ADAMTS6: variants seen among roughly 807,000 people sequenced by gnomAD.
The protein encoded by ADAMTS6 is ADAM metallopeptidase with thrombospondin type 1 motif 6, also known as A disintegrin and metalloproteinase with thrombospondin motifs 6.
Under a neutral mutation model 144.3 loss-of-function variants are expected in ADAMTS6, and 23 were observed. That is an observed-to-expected ratio of 0.16 (90% CI 0.11 to 0.23). The LOEUF (loss-of-function observed/expected upper bound fraction) is 0.23, where lower values mean the gene tolerates loss of function less well. ADAMTS6 is among the 10% of genes least tolerant of loss of function. ADAMTS6 has a pLI of 1.00. For synonymous variants in ADAMTS6, 444 were observed against 457.5 expected, an observed-to-expected ratio of 0.97 and a Z score of 0.38; for missense variants, 999 against 1,379.6, an observed-to-expected ratio of 0.72 and a Z score of 4.37.
chr5:65,275,351 AAGAGAAAGAAAGAAAG>A (rs1762388874), intron 11 of ADAMTS6, among the ~76,000 whole-genome samples: 1 of 125,972 alleles, frequency 7.9e-6, no homozygotes, highest in African/African-American at 3.0e-5. Flanking sequence ...AGAAAGAAAG[AAGAGAAAGAAAGAAAG>A]AAAGAAAGAA....
At chr5:65,291,147 A>G (rs1053960362) in intron 11 of ADAMTS6, among the ~76,000 whole-genome samples, 182 bp downstream of exon 11, 9 of 152,172 alleles carry the variant, frequency 5.9e-5, no homozygotes, top group Non-Finnish European at 1.2e-4. Flanking sequence ...TTAACTTAGG[A>G]TTATTGAAAC....
At chr5:65,419,191 T>C (rs561780577) in intron 7 of ADAMTS6, among the ~76,000 whole-genome samples, 1 of 152,276 alleles carries the variant, frequency 6.6e-6, no homozygotes, top group Non-Finnish European at 1.5e-5. Flanking sequence ...GTGGTAAATA[T>C]ACACTATGGG....
At chr5:65,177,551 A>G (rs1428886918) in intron 22 of ADAMTS6, among the ~76,000 whole-genome samples, 2 of 152,114 alleles carry the variant, frequency 1.3e-5, no homozygotes, top group African/African-American at 4.8e-5. Flanking sequence ...CTTGCCCCCC[A>G]ATGTAGAGCT....
chr5:65,330,915 A>T (rs944456233), intron 8 of ADAMTS6, among the ~76,000 whole-genome samples: 1 of 152,024 alleles, frequency 6.6e-6, no homozygotes, highest in East Asian at 1.9e-4. Context: ...GTTTCAGTTA[A>T]TTTTTGGTTA....
At chr5:65,369,703 A>C (rs1299541895) in intron 7 of ADAMTS6, among the ~76,000 whole-genome samples, 1 of 152,192 alleles carries the variant, frequency 6.6e-6, no homozygotes, top group Non-Finnish European at 1.5e-5. Context: ...TATTTAATAG[A>C]ATTGGCAGTA....
At chr5:65,362,983 G>T (rs1561464497) in intron 7 of ADAMTS6, among the ~76,000 whole-genome samples, 1 of 152,070 alleles carries the variant, frequency 6.6e-6, no homozygotes, top group Non-Finnish European at 1.5e-5. Flanking sequence ...AAGGTAAAAT[G>T]AGAACAATTA....
chr5:65,480,247 G>A (rs933870802), intron 1 of ADAMTS6, among the ~76,000 whole-genome samples: 1 of 152,132 alleles, frequency 6.6e-6, no homozygotes, highest in Non-Finnish European at 1.5e-5. Context: ...ACACTCAAGT[G>A]TCTCTTTTAA....
At chr5:65,469,774 C>G (rs973881832) in intron 3 of ADAMTS6, among the ~76,000 whole-genome samples, 1 of 152,032 alleles carries the variant, frequency 6.6e-6, no homozygotes, top group South Asian at 2.1e-4. Context: ...TATTTAAACC[C>G]AACTCGAATT....
chr5:65,267,685 A>T (rs1473167553), intron 12 of ADAMTS6, among the ~76,000 whole-genome samples: 3 of 152,184 alleles, frequency 2.0e-5, no homozygotes, highest in Non-Finnish European at 4.4e-5. Context: ...GGAAAACTTC[A>T]AGATGAGTAT....
intron 7 of ADAMTS6, among the ~76,000 whole-genome samples, chr5:65,421,557 C>T (rs1485356850): frequency 6.6e-6 from 1 of 152,188 alleles, no homozygotes; most frequent in African/African-American, 2.4e-5. Flanking sequence ...ATAAACAAAT[C>T]TGGAAGCATC....
intron 18 of ADAMTS6, among the ~76,000 whole-genome samples, chr5:65,217,373 CTT>C (rs77812978): frequency 7.0e-5 from 10 of 143,518 alleles, no homozygotes; most frequent in African/African-American, 7.6e-5. Flanking sequence ...CTCTCACTTC[CTT>C]TTTTTTTTTT....
chr5:65,202,635 T>A (rs1462685010), intron 20 of ADAMTS6, among the ~76,000 whole-genome samples: 1 of 152,170 alleles, frequency 6.6e-6, no homozygotes, highest in African/African-American at 2.4e-5. Context: ...ATATTTTTAG[T>A]TTATAGTTTC....
intron 7 of ADAMTS6, among the ~76,000 whole-genome samples, chr5:65,369,870 T>G (rs1387124005): frequency 6.6e-6 from 1 of 152,172 alleles, no homozygotes; most frequent in Non-Finnish European, 1.5e-5. Context: ...AAAAATCATC[T>G]GAAGCAACAA....
chr5:65,446,852 G>A (rs1404181488), intron 7 of ADAMTS6, among the ~76,000 whole-genome samples: 1 of 152,092 alleles, frequency 6.6e-6, no homozygotes, highest in Non-Finnish European at 1.5e-5. Context: ...CTTCCTTTGG[G>A]AGTGATGGAA....
intron 24 of ADAMTS6, 41 bp from the exon 25 acceptor site, chr5:65,151,986 C>T (rs2111936483): frequency 1.3e-6 from 2 of 1,543,548 alleles, no homozygotes; most frequent in Non-Finnish European, 1.8e-6. Context: ...ATTAGAGGCA[C>T]ATAAACAAGT....
intron 15 of ADAMTS6, among the ~76,000 whole-genome samples, chr5:65,239,912 T>C (rs1279651181): frequency 1.3e-5 from 2 of 152,206 alleles, no homozygotes; most frequent in Non-Finnish European, 1.5e-5. Context: ...TGAAATACGC[T>C]ACAATCACTT....
chr5:65,323,563 T>C (rs1052625807), intron 9 of ADAMTS6, among the ~76,000 whole-genome samples: 1 of 152,138 alleles, frequency 6.6e-6, no homozygotes, highest in African/African-American at 2.4e-5. Context: ...TTGTGAATAA[T>C]GCCGCTATAA....
intron 20 of ADAMTS6, chr5:65,210,720 G>A (rs1375253147): frequency 1.5e-6 from 1 of 645,784 alleles, no homozygotes. Context: ...AGCACATCAT[G>A]GGCCAGAATG....
At position 65,149,443 on chromosome 5, in the gene ADAMTS6, A is replaced by G. The variant is rs1340953338; in HGVS notation, c.*2393T>C. On this transcript the variant is annotated 3_prime_UTR_variant, in exon 25 of 25. Transcript: ENST00000381055. ...ATTCTGTGCGTGGCTCCCTCTAGAAAGGCACTCTGATGCTGCCCCGGGGGA... is the reference window on the plus strand; with the variant it reads ...ATTCTGTGCGTGGCTCCCTCTAGAAGGGCACTCTGATGCTGCCCCGGGGGA... The G allele has an allele frequency of 6.6e-6, 1 of 152,194 alleles. No individual in the cohort carries two copies. The highest frequency in any genetic ancestry group is 1.5e-5 in the Non-Finnish European group (1 of 68,042). The allele number at this position is 152,194 out of a possible 1,614,324, so 9.4% of individuals were successfully genotyped here. A position where few individuals can be genotyped will look rare whatever the true frequency, so the allele number is the denominator to read the frequency against.
Sources: gnomAD v4.1 joint callset for allele counts (sites outside exome capture counted in the v4.1 genomes callset) on GRCh38, gnomAD v4.1.1 for gene constraint, MANE v1.5 for transcripts, NCBI Gene and HGNC (gene_info 2026-07-23, HGNC 2026-07-21) for gene names.